Variants in SRGAP1 observed in about 807,000 individuals in gnomAD.
The protein encoded by SRGAP1 is SLIT-ROBO Rho GTPase-activating protein 1.
In SRGAP1, 43 loss-of-function variants were observed where a neutral mutation model predicts 121.9. The ratio of observed to expected loss-of-function variants is 0.35; its 90% CI spans 0.28 to 0.46. The LOEUF (loss-of-function observed/expected upper bound fraction) is 0.46. Among genes scored for constraint, SRGAP1 ranks in the 20% least tolerant of loss-of-function variants. The pLI is 1.00. For synonymous variants in SRGAP1, 447 were observed against 485.4 expected, an observed-to-expected ratio of 0.92 and a Z score of 1.04; for missense variants, 1,102 against 1,350.9, an observed-to-expected ratio of 0.82 and a Z score of 2.89.
Position 64,147,749 on chromosome 12 carries a change from T to C in SRGAP1, c.*5077T>C. On this transcript the variant is annotated 3_prime_UTR_variant, in exon 22 of 22. Coordinates refer to ENST00000355086, the MANE Select transcript of SRGAP1 (RefSeq NM_020762.4). ...ACTTTTATGTATAGTACTGTACATT[T>C]TTGGCATGTACCATTACAGGCTTCA... 2.5e-6 allele frequency: 1 copy of C among 398,416 alleles called. No homozygotes were observed. The highest frequency in any genetic ancestry group is 4.4e-6 in the Non-Finnish European group (1 of 226,044). The allele number at this position is 398,416 out of a possible 1,614,324, so 24.7% of individuals were successfully genotyped here.
At chr12:64,071,872 C>T (rs1565667613) in intron 8 of SRGAP1, among the ~76,000 whole-genome samples, 1 of 148,430 alleles carries the variant, frequency 6.7e-6, no homozygotes, top group African/African-American at 2.5e-5. Context: ...CTACCCTCAC[C>T]CCCCCCCAAA....
At chr12:63,960,444 T>C (rs74504100) in intron 1 of SRGAP1, among the ~76,000 whole-genome samples, 2,246 of 152,208 alleles carry the variant, frequency 0.015, 28 homozygotes, top group Non-Finnish European at 0.02. Context: ...ACCCCCAGTC[T>C]GACCTTGCTG....
chr12:64,104,073 T>C (rs574643000), intron 15 of SRGAP1, among the ~76,000 whole-genome samples: 1 of 152,334 alleles, frequency 6.6e-6, no homozygotes, highest in East Asian at 1.9e-4. Context: ...CATCTTGTGA[T>C]TTATTATTCA....
chr12:64,034,475 T>C (rs2034854742), intron 4 of SRGAP1, among the ~76,000 whole-genome samples: 1 of 152,206 alleles, frequency 6.6e-6, no homozygotes, highest in Admixed American at 6.5e-5. Context: ...AGTATATAAA[T>C]GGAAATATTG....
At chr12:63,850,578 A>T (rs532188718) in intron 1 of SRGAP1, among the ~76,000 whole-genome samples, 68 of 148,034 alleles carry the variant, frequency 4.6e-4, no homozygotes, top group African/African-American at 1.5e-3. Context: ...ATATAGGTAC[A>T]CACCACCATA....
intron 6 of SRGAP1, among the ~76,000 whole-genome samples, chr12:64,046,975 A>G (rs1253406812): frequency 6.6e-6 from 1 of 152,182 alleles, no homozygotes; most frequent in Non-Finnish European, 1.5e-5. Context: ...GCCTAAGGTT[A>G]TGCAGCCAAT....
intron 1 of SRGAP1, among the ~76,000 whole-genome samples, chr12:63,886,786 G>A (rs1900400535): frequency 6.6e-6 from 1 of 151,482 alleles, no homozygotes; most frequent in Non-Finnish European, 1.5e-5. Context: ...ACATTTAAAA[G>A]GGATTTTTTT....
At chr12:64,037,978 G>A (rs1390594986) in intron 4 of SRGAP1, among the ~76,000 whole-genome samples, 1 of 152,098 alleles carries the variant, frequency 6.6e-6, no homozygotes, top group East Asian at 1.9e-4. Flanking sequence ...CCTTCCAATT[G>A]TATGATACTT....
intron 1 of SRGAP1, among the ~76,000 whole-genome samples, chr12:63,895,979 A>C (rs759319316): frequency 5.9e-5 from 9 of 151,966 alleles, no homozygotes; most frequent in Non-Finnish European, 1.0e-4. Context: ...TTTGCTCTTC[A>C]CTCAGTCAGA....
intron 4 of SRGAP1, among the ~76,000 whole-genome samples, chr12:64,020,379 T>C (rs1364837859): frequency 2.6e-5 from 4 of 152,146 alleles, no homozygotes; most frequent in African/African-American, 9.7e-5. Flanking sequence ...ATGGTGGCAT[T>C]AGAGTGGCTA....
In SRGAP1 at chr12:64,147,207, G is replaced by A. The variant is rs943278429; in HGVS notation, c.*4535G>A. The A allele has an allele frequency of 4.7e-5, 15 of 318,154 alleles. No homozygotes were observed. In the East Asian group the frequency reaches 7.4e-4, roughly 16 times the overall value. 19.7% of individuals were successfully genotyped at this position (318,154 alleles called of 1,614,324 possible). A position where few individuals can be genotyped will look rare whatever the true frequency, so the allele number is the denominator to read the frequency against. On this transcript the variant is annotated 3_prime_UTR_variant, in exon 22 of 22. Coordinates refer to ENST00000355086, the MANE Select transcript of SRGAP1 (RefSeq NM_020762.4). The stretch of plus-strand genomic sequence containing the variant: ...TAAATCAGTATTGTCCTTTCCTGTC[G>A]GTTTGATCAATTGCGGTACCGGTAG...
intron 1 of SRGAP1, among the ~76,000 whole-genome samples, chr12:63,889,394 T>C (rs1900501123): frequency 6.6e-6 from 1 of 152,206 alleles, no homozygotes; most frequent in Non-Finnish European, 1.5e-5. Context: ...CAACAGCTTC[T>C]GGCCTGGGTG....
chr12:63,955,625 A>G lies in SRGAP1; in HGVS notation c.68-28322A>G, dbSNP rs184180046. ...CTGATAGAAAAGGAGTTAATTCTCA[A>G]TGTTGGTTTTCTTCATAAGCCATCT... On this transcript the variant is annotated intron_variant, in intron 1 of 21. Coordinates refer to ENST00000355086, the MANE Select transcript of SRGAP1 (RefSeq NM_020762.4). Among the ~76,000 whole-genome samples the G allele has an allele frequency of 6.7e-4, 102 of 152,162 alleles. 1 individual carries two copies. The highest frequency in any genetic ancestry group is 2.3e-3 in the African/African-American group (97 of 41,540).
At chr12:63,921,749 GA>G (rs1403819782) in intron 1 of SRGAP1, among the ~76,000 whole-genome samples, 2 of 152,178 alleles carry the variant, frequency 1.3e-5, no homozygotes, top group African/African-American at 4.8e-5. Context: ...CTGGTACGTA[GA>G]GAACATTTAA....
At chr12:64,131,532 C>T (rs895585270) in intron 21 of SRGAP1, among the ~76,000 whole-genome samples, 2 of 152,168 alleles carry the variant, frequency 1.3e-5, no homozygotes, top group East Asian at 1.9e-4. Flanking sequence ...TGTCCACTTT[C>T]GGGTGGTGCC....
chr12:64,128,113 C>T lies in SRGAP1; in HGVS notation c.2793C>T (p.Asp931=), dbSNP rs1300739854. The T allele has an allele frequency of 1.2e-6, 2 of 1,614,066 alleles. No homozygotes were observed. The highest frequency in any genetic ancestry group is 1.7e-5 in the Admixed American group (1 of 60,002). The stretch of plus-strand genomic sequence containing the variant: ...GGCACGACTCCCTCAAGAAGATCGA[C>T]AGCCCTCCCATTAGAAGGTCCACGT... ...ISRHDSLKKI[D]SPPIRRSTSS... The change falls in exon 21 of 22, where the codon GAC becomes GAT. Residue 931 remains aspartate (D), a synonymous_variant. Coordinates refer to ENST00000355086, the MANE Select transcript of SRGAP1 (RefSeq NM_020762.4).
intron 11 of SRGAP1, 50 bp from the exon 12 acceptor site, chr12:64,091,226 T>G (rs2036044888): frequency 2.2e-6 from 3 of 1,353,018 alleles, no homozygotes; most frequent in East Asian, 2.5e-5. Context: ...AGATGTTTCA[T>G]TTATTGTTTG....
intron 10 of SRGAP1, 117 bp from the exon 11 acceptor site, chr12:64,086,882 A>T (rs971573708): frequency 2.8e-6 from 2 of 705,638 alleles, no homozygotes; most frequent in Non-Finnish European, 4.9e-6. Context: ...TGCCATAAAA[A>T]CGTGTAAGTT....
At position 64,154,192 on chromosome 12, in the gene SRGAP1, A is replaced by C. The variant is rs888581470; in HGVS notation, c.*11520A>C. ...AGTGTTTACAGGGTTTCAGTTTTGC[A>C]AGATAAAAAGTTCTAAAGATCTGTT... is the stretch of plus-strand genomic sequence containing the variant. On this transcript the variant is annotated 3_prime_UTR_variant, in exon 22 of 22. Transcript: ENST00000355086. 6.6e-6 allele frequency: 1 copy of C among 152,254 alleles called. No individual in the cohort carries two copies. The highest frequency in any genetic ancestry group is 1.5e-5 in the Non-Finnish European group (1 of 68,050). 9.4% of individuals were successfully genotyped at this position (152,254 alleles called of 1,614,324 possible).
Sources: allele counts gnomAD v4.1 joint callset (sites outside exome capture counted in the v4.1 genomes callset), GRCh38; gene constraint gnomAD v4.1.1; transcripts MANE v1.5; gene names NCBI Gene and HGNC (gene_info 2026-07-23, HGNC 2026-07-21).